Variants in TMC4 observed in about 807,000 individuals in gnomAD.
TMC4 encodes transmembrane channel like 4, also known as voltage-gated chloride channel TMC4.
In TMC4, 70 loss-of-function variants were observed where a neutral mutation model predicts 82.0. That is an observed-to-expected ratio of 0.85 (90% confidence interval 0.70 to 1.04). The LOEUF (loss-of-function observed/expected upper bound fraction) is 1.04. Among genes scored for constraint, TMC4 ranks in the 50% least tolerant of loss-of-function variants. The probability of loss-of-function intolerance (pLI) is 0.00; values close to 1 mark genes in which losing one functional copy is unlikely to be tolerated. For missense variants in TMC4, 879 were observed against 899.0 expected (o/e 0.98, Z 0.28); for synonymous variants, 446 against 406.0 (o/e 1.10, Z -1.18).
At chr19:54,172,753 T>C in intron 1 of TMC4, 1 of 372,016 alleles carries the variant, frequency 2.7e-6, no homozygotes, top group Non-Finnish European at 4.8e-6. Context: ...TCCTTTTCCC[T>C]CTAGCTCAGG....
intron 12 of TMC4, 46 bp from the exon 13 acceptor site, chr19:54,161,079 C>G (rs747519316): frequency 1.9e-6 from 3 of 1,610,212 alleles, no homozygotes; most frequent in African/African-American, 2.7e-5. Context: ...GGAGTCTGAA[C>G]ACTGAATGGG....
intron 2 of TMC4, among the ~76,000 whole-genome samples, chr19:54,171,079 ATG>A (rs1197209902): frequency 4.3e-5 from 2 of 46,108 alleles, no homozygotes; most frequent in Non-Finnish European, 8.7e-5. Context: ...ATACATATAT[ATG>A]TGTATATATA....
In TMC4 at chr19:54,160,517, C is replaced by G; in HGVS notation, c.2002G>C (p.Ala668Pro). The change falls in exon 14 of 15, where the codon GCT becomes CCT. Residue 668 changes from alanine (A) to proline (P), a missense_variant. Transcript: ENST00000619895. Reference sequence around the variant, plus strand: ...GAGATGAGGCGTCCGTAGGAGTTAGCCAGAGCCACAGTGTACGCCATCAGG... The same window carrying G: ...GAGATGAGGCGTCCGTAGGAGTTAGGCAGAGCCACAGTGTACGCCATCAGG... ...SILMAYTVAL[A>P]NSYGRLISEL... The G allele has an allele frequency of 6.2e-7, 1 of 1,614,174 alleles. No individual in the cohort carries two copies. Among genetic ancestry groups the G allele is most frequent in the Non-Finnish European group, 8.5e-7 (1 of 1,180,010 alleles).
intron 10 of TMC4, 43 bp from the exon 11 acceptor site, chr19:54,162,328 G>C (rs1324994742): frequency 1.4e-6 from 2 of 1,408,772 alleles, no homozygotes; most frequent in African/African-American, 3.0e-5. Context: ...GGGGAGTGGC[G>C]GCCTGGAGTT....
chr19:54,169,569 T>G lies in TMC4; in HGVS notation c.385A>C (p.Thr129Pro). ...TGCAGGCTTCGCAAGCCTTCCTTTGTTTTCTCCTTGGACCTCCGAAGTAGC... is the reference window on the plus strand; with the variant it reads ...TGCAGGCTTCGCAAGCCTTCCTTTGGTTTCTCCTTGGACCTCCGAAGTAGC... The part of the protein sequence containing the change: ...ARLLRRSKEK[T>P]KEGLRSLQPW... Residue 129 changes from threonine to proline, a missense_variant, in exon 3 of 15, where the codon ACA becomes CCA. By Grantham distance (38) the Thr-to-Pro change is conservative (BLOSUM62 -1). Transcript: ENST00000619895. The G allele has an allele frequency of 6.2e-7, 1 of 1,613,936 alleles. No individual in the cohort carries two copies. The highest frequency in any genetic ancestry group is 8.5e-7 in the Non-Finnish European group (1 of 1,180,020).
chr19:54,163,105 A>G lies in TMC4; in HGVS notation c.1332T>C (p.Asn444=), dbSNP rs2075608337. ...SLVVLLFSLW[N]QITCGGDSEA... is the part of the protein sequence containing the mutation. ...CGGAGTCGCCCCCACAAGTGATCTG[A>G]TTCCAGAGAGAGAAGAGCAGGACCA... Residue 444 remains asparagine, a synonymous_variant, in exon 9 of 15, where the codon AAT becomes AAC. Coordinates refer to ENST00000619895, the MANE Select transcript of TMC4 (RefSeq NM_144686.4). 6.2e-7 allele frequency: 1 copy of G among 1,613,812 alleles called. No homozygotes were observed. The highest frequency in any genetic ancestry group is 8.5e-7 in the Non-Finnish European group (1 of 1,179,994).
Position 54,168,779 on chromosome 19 carries a change from CT to C in TMC4, c.443-100del, listed in dbSNP as rs1555824614. The C allele has an allele frequency of 8.7e-6, 3 of 343,548 alleles. 1 individual carries two copies. The highest frequency in any genetic ancestry group is 1.4e-5 in the Non-Finnish European group (3 of 213,334). The allele number at this position is 343,548 out of a possible 1,614,324, so 21.3% of individuals were successfully genotyped here. ...GGTCCAGCCGCGCCTTCCTTTCTTT[CT>C]TTCTTTTCTTTTCTTTCTTTTCTTT... On this transcript the variant is annotated intron_variant, in intron 3 of 14. Transcript: ENST00000619895.
rs753398492 is a variant in TMC4, at chr19:54,169,507, C to A, written c.442+5G>T. Reference sequence around the variant, plus strand: ...CCCCAGGACACCACCCAAACCCCACCGCACCCCCGATCCTCTTCAGTGTCC... The same window carrying A: ...CCCCAGGACACCACCCAAACCCCACAGCACCCCCGATCCTCTTCAGTGTCC... On this transcript the variant is annotated splice_donor_5th_base_variant and intron_variant, in intron 3 of 14. Coordinates refer to ENST00000619895, the MANE Select transcript of TMC4 (RefSeq NM_144686.4). 5.0e-6 allele frequency: 8 copies of A among 1,610,874 alleles called. No individual in the cohort carries two copies. Among genetic ancestry groups the A allele is most frequent in the African/African-American group, 1.3e-5 (1 of 74,844 alleles).
intron 1 of TMC4, chr19:54,172,661 G>A: frequency 3.6e-6 from 1 of 277,096 alleles, no homozygotes; most frequent in Non-Finnish European, 6.6e-6. Context: ...ACTTCCCCTG[G>A]ACCCAGGGGT....
intron 5 of TMC4, 57 bp from the exon 6 acceptor site, chr19:54,165,623 T>G (rs2075685405): frequency 1.3e-6 from 2 of 1,554,676 alleles, no homozygotes; most frequent in Non-Finnish European, 1.7e-6. Context: ...ACGGGGGTTA[T>G]GGGGAGACCC....
In TMC4 at chr19:54,160,240, TA is replaced by T; in HGVS notation, c.*65del. The T allele has an allele frequency of 6.9e-7, 1 of 1,459,296 alleles. No individual in the cohort carries two copies. The highest frequency in any genetic ancestry group is 9.1e-7 in the Non-Finnish European group (1 of 1,094,598). 90.4% of individuals were successfully genotyped at this position (1,459,296 alleles called of 1,614,324 possible). ...GGAGTCTTCTCCAGTTCTCCTAGTT[TA>T]CAGATGTTGTGACCTAGGCTTACAA... On this transcript the variant is annotated 3_prime_UTR_variant, in exon 15 of 15. Coordinates refer to ENST00000619895, the MANE Select transcript of TMC4 (RefSeq NM_144686.4).
intron 2 of TMC4, among the ~76,000 whole-genome samples, chr19:54,170,774 A>T (rs545742474): frequency 6.6e-6 from 1 of 152,204 alleles, no homozygotes; most frequent in South Asian, 2.1e-4. Context: ...CTGGGGCTAC[A>T]GGTATGGGCC....
In TMC4 at chr19:54,165,558, G is replaced by C. The variant is rs759529863; in HGVS notation, c.806C>G (p.Ser269Cys). ...CGCCAGCAGTGTCTGCTTCAGCCCA[G>C]ACACCGAGCTGAGAGGGGAGACCCG... is the stretch of plus-strand genomic sequence containing the variant. ...CLLLILHRSV[S>C]GLKQTLLAES... Residue 269 changes from serine to cysteine, a missense_variant, in exon 6 of 15, where the codon TCT becomes TGT. Ser to Cys is a moderately radical substitution (Grantham distance 112). Transcript: ENST00000619895. The C allele has an allele frequency of 1.2e-6, 2 of 1,602,224 alleles. No individual in the cohort carries two copies.
intron 5 of TMC4, among the ~76,000 whole-genome samples, chr19:54,166,775 GA>G (rs1373097824): frequency 2.0e-5 from 3 of 152,096 alleles, no homozygotes; most frequent in South Asian, 4.1e-4. Flanking sequence ...CAAACATGGT[GA>G]AACCCCATTT....
rs996776117 is a variant in TMC4 at position 54,171,802 on chromosome 19, C to A, written c.293+68G>T. 8.5e-6 allele frequency: 12 copies of A among 1,416,952 alleles called. No individual in the cohort carries two copies. The East Asian group carries it at 1.5e-4, about 18-fold the overall frequency. 87.8% of individuals were successfully genotyped at this position (1,416,952 alleles called of 1,614,324 possible). A position where few individuals can be genotyped will look rare whatever the true frequency, so the allele number is the denominator to read the frequency against. On this transcript the variant is annotated intron_variant, in intron 2 of 14. Transcript: ENST00000619895. ...GCGGCAGAGGACAGAGGGAGGAGAC[C>A]GAGTCCAGGGTATGGGAGAAGGGCC...
chr19:54,168,912 TTTCC>T (rs1237660940), intron 3 of TMC4, among the ~76,000 whole-genome samples: 903 of 11,432 alleles, frequency 0.079, 197 homozygotes, highest in Middle Eastern at 0.13. Context: ...TTCTTCTTTC[TTTCC>T]TTCCTTCCTT....
rs1475155653 is a variant in TMC4 at position 54,162,177 on chromosome 19, C to A, written c.1611G>T (p.Trp537Cys). The A allele has an allele frequency of 6.2e-7, 1 of 1,613,794 alleles. No homozygotes were observed. Among genetic ancestry groups the A allele is most frequent in the East Asian group, 2.2e-5 (1 of 44,870 alleles). ...LGLIYAQTVV[W>C]VGSFFCPLLP... The stretch of plus-strand genomic sequence containing the variant: ...GTAAAGGGCAGAAAAAACTCCCCAC[C>A]CAGACCACCGTCTGCGCGTAGATGA... Residue 537 changes from tryptophan to cysteine, a missense_variant, in exon 11 of 15, where the codon TGG (tryptophan) becomes TGT (cysteine). By Grantham distance (215) the Trp-to-Cys change is radical. Coordinates refer to ENST00000619895, the MANE Select transcript of TMC4 (RefSeq NM_144686.4).
Position 54,160,485 on chromosome 19 carries a change from G to A in TMC4, c.2034C>T (p.Leu678=). Residue 678 remains leucine, a synonymous_variant, in exon 14 of 15, where the codon CTC becomes CTT. Coordinates refer to ENST00000619895, the MANE Select transcript of TMC4 (RefSeq NM_144686.4). ...GGCTCACCGTCTCTCTCTGACGTTTGAGCTCAGAGATGAGGCGTCCGTAGG... is the reference window on the plus strand; with the variant it reads ...GGCTCACCGTCTCTCTCTGACGTTTAAGCTCAGAGATGAGGCGTCCGTAGG... ...ANSYGRLISE[L]KRQRETEAQN... is the part of the protein sequence containing the mutation. 6.2e-7 allele frequency: 1 copy of A among 1,614,112 alleles called. No homozygotes were observed. The highest frequency in any genetic ancestry group is 8.5e-7 in the Non-Finnish European group (1 of 1,179,980).
Position 54,168,201 on chromosome 19 carries a change from C to T in TMC4, c.767G>A (p.Gly256Asp). The stretch of plus-strand genomic sequence containing the variant: ...CAGGATGAGCAGGAGGCAGATGAGG[C>T]CAACGGCAAAGGCCCAGCACAGGTA... ...VTYLCWAFAV[G>D]LICLLLILHR... The change falls in exon 5 of 15, where the codon GGC (glycine) becomes GAC (aspartate). Residue 256 changes from glycine to aspartate, a missense_variant. Physicochemically the swap from Gly to Asp is moderately conservative, Grantham distance 94. Coordinates refer to ENST00000619895, the MANE Select transcript of TMC4 (RefSeq NM_144686.4). The T allele has an allele frequency of 6.2e-7, 1 of 1,601,660 alleles. No individual in the cohort carries two copies. Among genetic ancestry groups the T allele is most frequent in the Non-Finnish European group, 8.5e-7 (1 of 1,173,964 alleles).
Sources: gnomAD v4.1 joint callset for allele counts (sites outside exome capture counted in the v4.1 genomes callset) on GRCh38, gnomAD v4.1.1 for gene constraint, MANE v1.5 for transcripts, NCBI Gene and HGNC (gene_info 2026-07-23, HGNC 2026-07-21) for gene names.